Variants in IL1R2 observed in about 807,000 individuals in gnomAD.
IL1R2 encodes the protein interleukin-1 receptor type 2.
Under a neutral mutation model 39.5 loss-of-function variants are expected in IL1R2, and 46 were observed. That is an observed-to-expected ratio of 1.16 (90% CI 0.92 to 1.49). The LOEUF is 1.49. IL1R2 is among the 40% of genes most tolerant of loss of function. The probability of loss-of-function intolerance (pLI) is 0.00; values close to 1 mark genes in which losing one functional copy is unlikely to be tolerated. For synonymous variants in IL1R2, 207 were observed against 189.6 expected (o/e 1.09, Z -0.75); for missense variants, 537 against 502.0 (o/e 1.07, Z -0.67).
chr2:102,005,193 C>A (rs895331492), intron 1 of IL1R2, among the ~76,000 whole-genome samples: 3 of 152,192 alleles, frequency 2.0e-5, no homozygotes, highest in Non-Finnish European at 4.4e-5. Context: ...TACAAACCTT[C>A]CCATAATTCC....
chr2:102,026,860 T>A (rs1263598353), intron 8 of IL1R2, among the ~76,000 whole-genome samples: 1 of 152,234 alleles, frequency 6.6e-6, no homozygotes, highest in East Asian at 1.9e-4. Flanking sequence ...TAGTCTCTGT[T>A]GACAGCCTGT....
At chr2:102,027,174 G>A (rs1216800227) in intron 8 of IL1R2, among the ~76,000 whole-genome samples, 1 of 152,218 alleles carries the variant, frequency 6.6e-6, no homozygotes, top group African/African-American at 2.4e-5. Flanking sequence ...CCTAGGGAGA[G>A]GCTGCAGCCT....
At chr2:102,011,313 A>G (rs1412701813) in intron 3 of IL1R2, among the ~76,000 whole-genome samples, 1 of 152,194 alleles carries the variant, frequency 6.6e-6, no homozygotes, top group African/African-American at 2.4e-5. Context: ...GAACTATCAT[A>G]CTGTTTTCCA....
intron 8 of IL1R2, 144 bp from the exon 9 acceptor site, chr2:102,028,082 G>C (rs1209695610): frequency 6.1e-6 from 4 of 653,090 alleles, no homozygotes; most frequent in Non-Finnish European, 7.3e-6. Flanking sequence ...GTTGGTGTGA[G>C]GGATGTGCTT....
intron 3 of IL1R2, among the ~76,000 whole-genome samples, chr2:102,010,439 G>T (rs1384956092): frequency 6.6e-6 from 1 of 152,140 alleles, no homozygotes; most frequent in Non-Finnish European, 1.5e-5. Context: ...AGCTGGGCAT[G>T]GTGGCGGGCG....
chr2:102,024,531 A>C lies in IL1R2; in HGVS notation c.752-2A>C. 1 of 1,613,104 alleles carries C rather than the reference A, an allele frequency of 6.2e-7. No homozygotes were observed. The highest frequency in any genetic ancestry group is 8.5e-7 in the Non-Finnish European group (1 of 1,179,130). Reference sequence around the variant, plus strand: ...TGACGTGCTGTGCCTTGCCATCCACAGGGTCAAGACTGACAATCCCGTGTA... The same window carrying C: ...TGACGTGCTGTGCCTTGCCATCCACCGGGTCAAGACTGACAATCCCGTGTA... On this transcript the variant is annotated splice_acceptor_variant, in intron 6 of 8. Transcript: ENST00000332549. LOFTEE classifies it high-confidence loss of function.
rs3212326 is a variant in IL1R2 at position 102,026,096 on chromosome 2, G to GT, written c.888-8dup. On this transcript the variant is annotated splice_polypyrimidine_tract_variant and intron_variant, in intron 7 of 8. Coordinates refer to ENST00000332549, the MANE Select transcript of IL1R2 (RefSeq NM_004633.4). Reference sequence around the variant, plus strand: ...TCGATACAATCATAATTAAGTGAATGTTTTTTTAACTCAGGGAATATTCAG... The same window carrying GT: ...TCGATACAATCATAATTAAGTGAATGTTTTTTTTAACTCAGGGAATATTCAG... 0.12 allele frequency: 190,882 copies of GT among 1,576,138 alleles called. 13,137 individuals carry two copies. The highest frequency in any genetic ancestry group is 0.25 in the South Asian group (21,750 of 87,830).
intron 1 of IL1R2, 95 bp from the exon 2 acceptor site, chr2:102,008,420 C>CA: frequency 1.5e-6 from 1 of 653,384 alleles, no homozygotes; most frequent in Non-Finnish European, 2.8e-6. Flanking sequence ...TCCCATTATC[C>CA]AGTGAAGCTT....
intron 1 of IL1R2, among the ~76,000 whole-genome samples, chr2:102,002,808 C>T (rs13028517): frequency 6.8e-5 from 4 of 58,558 alleles, no homozygotes; most frequent in Admixed American, 1.8e-4. Flanking sequence ...ATATCTATGT[C>T]TATGTCTGTG....
intron 1 of IL1R2, among the ~76,000 whole-genome samples, chr2:102,002,748 C>CTA (rs1675958417): frequency 1.4e-5 from 2 of 142,342 alleles, no homozygotes; most frequent in East Asian, 2.1e-4. Flanking sequence ...ATGTCTATGT[C>CTA]TATATCTATA....
chr2:101,992,685 A>G (rs1675405537), intron 1 of IL1R2, among the ~76,000 whole-genome samples: 1 of 152,118 alleles, frequency 6.6e-6, no homozygotes, highest in African/African-American at 2.4e-5. Context: ...AGACAGAGAC[A>G]GAGACCAAGA....
At chr2:102,009,238 A>C (rs999177324) in intron 2 of IL1R2, among the ~76,000 whole-genome samples, 10 of 152,170 alleles carry the variant, frequency 6.6e-5, no homozygotes, top group Non-Finnish European at 1.5e-4. Flanking sequence ...GAAATCAGCC[A>C]GTGAAAACTA....
chr2:102,022,949 T>C (rs1447852117), intron 6 of IL1R2, among the ~76,000 whole-genome samples: 1 of 152,196 alleles, frequency 6.6e-6, no homozygotes, highest in African/African-American at 2.4e-5. Flanking sequence ...TAGGTTTTAT[T>C]CTCTCAATTT....
chr2:102,013,581 G>GA (rs1559421510), intron 3 of IL1R2, among the ~76,000 whole-genome samples: 5 of 28,488 alleles, frequency 1.8e-4, no homozygotes, highest in African/African-American at 4.0e-4. Context: ...AGAAGGAAAA[G>GA]AAAAAGAAAA....
intron 6 of IL1R2, among the ~76,000 whole-genome samples, chr2:102,022,783 C>G (rs763238150): frequency 6.6e-6 from 1 of 152,208 alleles, no homozygotes; most frequent in Non-Finnish European, 1.5e-5. Flanking sequence ...GTGGTACAGT[C>G]CATCCTGGCC....
intron 4 of IL1R2, among the ~76,000 whole-genome samples, chr2:102,017,786 A>G (rs891224269): frequency 6.6e-6 from 1 of 152,196 alleles, no homozygotes; most frequent in Non-Finnish European, 1.5e-5. Flanking sequence ...CCGCTTTCAC[A>G]TGGCCTAGTT....
At chr2:102,013,506 C>G (rs139633722) in intron 3 of IL1R2, among the ~76,000 whole-genome samples, 152 of 77,872 alleles carry the variant, frequency 2.0e-3, no homozygotes, top group Middle Eastern at 0.015. Context: ...CAAATAAATG[C>G]CTTACTTTCT....
chr2:101,997,320 C>A (rs1185367447), intron 1 of IL1R2, among the ~76,000 whole-genome samples: 1 of 152,226 alleles, frequency 6.6e-6, no homozygotes, highest in Non-Finnish European at 1.5e-5. Flanking sequence ...CTTGTTTCTT[C>A]TGTGGCTTAG....
chr2:102,005,794 A>G (rs964604556), intron 1 of IL1R2, among the ~76,000 whole-genome samples: 1 of 152,182 alleles, frequency 6.6e-6, no homozygotes, highest in South Asian at 2.1e-4. Flanking sequence ...CGGGGGTTCT[A>G]TTATTGGGAA....
Sources: gnomAD v4.1 joint callset for allele counts (sites outside exome capture counted in the v4.1 genomes callset) on GRCh38, gnomAD v4.1.1 for gene constraint, MANE v1.5 for transcripts, NCBI Gene and HGNC (gene_info 2026-07-23, HGNC 2026-07-21) for gene names.